Variants in DNAH17 observed in about 807,000 individuals in gnomAD.
DNAH17 encodes the protein dynein axonemal heavy chain 17.
In DNAH17, 376 loss-of-function variants were observed where a neutral mutation model predicts 485.6. The observed-to-expected ratio is 0.77, with a 90% CI of 0.71 to 0.84. The LOEUF (loss-of-function observed/expected upper bound fraction) is 0.84. Among genes scored for constraint, DNAH17 ranks in the 40% least tolerant of loss-of-function variants. The pLI is 0.00. For missense variants in DNAH17, 6,370 were observed against 5,839.3 expected (o/e 1.09, Z -2.96); for synonymous variants, 3,031 against 2,405.9 (o/e 1.26, Z -7.60).
At position 78,507,611 on chromosome 17, in the gene DNAH17, C is replaced by T. The variant is rs1430558117; in HGVS notation, c.4431G>A (p.Gln1477=). 1 of 1,614,156 alleles carries T rather than the reference C, an allele frequency of 6.2e-7. No homozygotes were observed. The change falls in exon 28 of 81, where the codon CAG becomes CAA. Residue 1477 remains glutamine (Q), a synonymous_variant. Transcript: ENST00000389840. ...HFLKEVTSWQ[Q]KLSTADSVIS... ...TGACGGAGTCCGCCGTGGACAGCTT[C>T]TGCTGCCAGCTTGTCACCTCCTTCA...
Position 78,494,039 on chromosome 17 carries a change from A to G in DNAH17, c.6405T>C (p.Ser2135=), listed in dbSNP as rs752031162. 3.7e-6 allele frequency: 6 copies of G among 1,611,952 alleles called. No individual in the cohort carries two copies. The Admixed American group carries it at 8.3e-5, about 22-fold the overall frequency. Residue 2135 remains serine (S), a synonymous_variant, in exon 41 of 81, where the codon TCT becomes TCC. Coordinates refer to ENST00000389840, the MANE Select transcript of DNAH17 (RefSeq NM_173628.4). ...FIVGNAGSGK[S]QVLKSLNKTY... Reference sequence around the variant, plus strand: ...GTCCCTGGAGCGGGTGACACACCTGAGATTTGCCGCTGCCCGCATTCCCGA... The same window carrying G: ...GTCCCTGGAGCGGGTGACACACCTGGGATTTGCCGCTGCCCGCATTCCCGA...
chr17:78,544,708 G>A (rs1344030439), intron 16 of DNAH17, among the ~76,000 whole-genome samples: 1 of 148,714 alleles, frequency 6.7e-6, no homozygotes, highest in Admixed American at 6.9e-5. Flanking sequence ...GGCTGAGGCA[G>A]GAGAATGGCG....
In DNAH17 at chr17:78,501,335, A is replaced by T; in HGVS notation, c.5332T>A (p.Ser1778Thr). The T allele has an allele frequency of 6.3e-7, 1 of 1,594,438 alleles. No homozygotes were observed. The highest frequency in any genetic ancestry group is 8.6e-7 in the Non-Finnish European group (1 of 1,164,510). The part of the protein sequence containing the change: ...AKMIVAKVES[S>T]QAFTWQAQLR... Reference sequence around the variant, plus strand: ...TGGGCCTGCCAGGTGAAGGCCTGAGAACTCTCCACCTGCAGGATGAGCCGG... The same window carrying T: ...TGGGCCTGCCAGGTGAAGGCCTGAGTACTCTCCACCTGCAGGATGAGCCGG... Residue 1778 changes from serine to threonine, a missense_variant, in exon 35 of 81, where the codon TCT becomes ACT. Coordinates refer to ENST00000389840, the MANE Select transcript of DNAH17 (RefSeq NM_173628.4).
chr17:78,522,853 T>C (rs541439606), intron 25 of DNAH17: 7 of 158,576 alleles, frequency 4.4e-5, no homozygotes, highest in African/African-American at 9.9e-5. Context: ...CTTTCCTTTT[T>C]CTTTCTTTTT....
At chr17:78,563,154 GTTAA>G (rs1308290854) in intron 11 of DNAH17, among the ~76,000 whole-genome samples, 9 of 152,204 alleles carry the variant, frequency 5.9e-5, no homozygotes, top group African/African-American at 2.2e-4. Flanking sequence ...CTATTTTTAA[GTTAA>G]TTGTGTTTTT....
chr17:78,432,208 TAAA>T (rs2086700259), intron 75 of DNAH17, among the ~76,000 whole-genome samples: 12 of 146,800 alleles, frequency 8.2e-5, no homozygotes, highest in African/African-American at 2.5e-4. Flanking sequence ...ATAAATAAAA[TAAA>T]TAAAAATTAA....
At position 78,530,463 on chromosome 17, in the gene DNAH17, G is replaced by T; in HGVS notation, c.3164C>A (p.Thr1055Asn). Residue 1055 changes from threonine to asparagine, a missense_variant, in exon 21 of 81, where the codon ACC (threonine) becomes AAC (asparagine). Transcript: ENST00000389840. ...LYEEVSKCEN[T>N]KVFHGWLQCD... ...CTGCAGCCAGCCGTGGAACACCTTG[G>T]TGTTCTCGCACTTGGACACCTCCTC... 1.2e-6 allele frequency: 2 copies of T among 1,613,416 alleles called. No individual in the cohort carries two copies. The highest frequency in any genetic ancestry group is 1.7e-6 in the Non-Finnish European group (2 of 1,179,576).
Position 78,485,533 on chromosome 17 carries a change from G to A in DNAH17, c.7483+17C>T. 6.4e-7 allele frequency: 1 copy of A among 1,570,218 alleles called. No individual in the cohort carries two copies. Among genetic ancestry groups the A allele is most frequent in the Non-Finnish European group, 8.6e-7 (1 of 1,159,510 alleles). The stretch of plus-strand genomic sequence containing the variant: ...GGGGGCAGCCGGGTAGGCAGGGCGT[G>A]GCCGGACCAGCCTCACCCTGCAGCA... On this transcript the variant is annotated intron_variant, in intron 47 of 80. Coordinates refer to ENST00000389840, the MANE Select transcript of DNAH17 (RefSeq NM_173628.4).
intron 73 of DNAH17, among the ~76,000 whole-genome samples, chr17:78,438,356 C>A (rs896953819): frequency 8.0e-6 from 1 of 124,914 alleles, no homozygotes; most frequent in Non-Finnish European, 1.6e-5. Context: ...GTCGTGCTAG[C>A]GTTGAACCAA....
intron 71 of DNAH17, among the ~76,000 whole-genome samples, chr17:78,444,253 G>A (rs774098603): frequency 3.3e-5 from 5 of 152,152 alleles, no homozygotes; most frequent in Non-Finnish European, 7.3e-5. Flanking sequence ...CAATGTAGGA[G>A]GCTCATGTGG....
Position 78,454,679 on chromosome 17 carries a change from C to T in DNAH17, c.10197G>A (p.Leu3399=). Residue 3399 remains leucine, a synonymous_variant, in exon 64 of 81, where the codon CTG becomes CTA. Coordinates refer to ENST00000389840, the MANE Select transcript of DNAH17 (RefSeq NM_173628.4). ...CATCTGTCAGCAGGCTCAAGGGATC[C>T]AGGCCATTCGTGATCGGGATGGGGA... The part of the protein sequence containing the change: ...LKVPIPITNG[L]DPLSLLTDDA... The T allele has an allele frequency of 6.2e-7, 1 of 1,612,730 alleles. No individual in the cohort carries two copies.
intron 44 of DNAH17, among the ~76,000 whole-genome samples, chr17:78,489,187 C>T (rs1418340070): frequency 6.6e-6 from 1 of 152,192 alleles, no homozygotes; most frequent in Non-Finnish European, 1.5e-5. Context: ...ACTGTGCTGC[C>T]TGCCTCCCAG....
intron 37 of DNAH17, among the ~76,000 whole-genome samples, chr17:78,498,003 G>A (rs974071111): frequency 1.3e-5 from 2 of 152,000 alleles, no homozygotes; most frequent in African/African-American, 2.4e-5. Context: ...TTAGCCGGGC[G>A]TGGTGGTGCA....
intron 37 of DNAH17, 97 bp downstream of exon 37, chr17:78,498,909 CAG>C (rs2090171464): frequency 2.2e-6 from 2 of 917,050 alleles, no homozygotes; most frequent in Admixed American, 3.0e-5. Context: ...TGGAACGTTG[CAG>C]AGAGGCAAGG....
rs968865144 is a variant in DNAH17 at position 78,544,367 on chromosome 17, A to G, written c.2392-370T>C. 2.6e-5 allele frequency among the ~76,000 whole-genome samples: 4 copies of G among 152,148 alleles called. 1 individual carries two copies. The highest frequency in any genetic ancestry group is 4.8e-5 in the African/African-American group (2 of 41,440). On this transcript the variant is annotated intron_variant, in intron 16 of 80. Transcript: ENST00000389840. ...GGAGTGTGTGGTCAATACTGGGTGG[A>G]TCGTCCATAGCTGCAAACGGAGGGC...
intron 25 of DNAH17, among the ~76,000 whole-genome samples, chr17:78,520,522 C>A (rs1303636022): frequency 6.6e-6 from 1 of 152,122 alleles, no homozygotes; most frequent in Non-Finnish European, 1.5e-5. Context: ...TTTAGCAAGG[C>A]CACAAGAGAA....
intron 72 of DNAH17, among the ~76,000 whole-genome samples, chr17:78,439,952 G>C (rs1265779665): frequency 6.6e-6 from 1 of 151,816 alleles, no homozygotes; most frequent in Non-Finnish European, 1.5e-5. Flanking sequence ...TTATGGGTGT[G>C]AGCCACTGTG....
chr17:78,453,252 A>T (rs2087632302), intron 65 of DNAH17, 91 bp downstream of exon 65: 3 of 1,520,506 alleles, frequency 2.0e-6, no homozygotes, highest in Non-Finnish European at 2.7e-6. Flanking sequence ...AAGCAAAGGA[A>T]ATTCCGGGCG....
At chr17:78,503,648 G>A (rs1258537596) in intron 31 of DNAH17, among the ~76,000 whole-genome samples, 3 of 151,698 alleles carry the variant, frequency 2.0e-5, no homozygotes, top group East Asian at 2.0e-4. Context: ...CACCACACCC[G>A]GCTAATCAAA....
Sources: gnomAD v4.1 joint callset for allele counts (sites outside exome capture counted in the v4.1 genomes callset) on GRCh38, gnomAD v4.1.1 for gene constraint, MANE v1.5 for transcripts, NCBI Gene and HGNC (gene_info 2026-07-23, HGNC 2026-07-21) for gene names.